Variants in NPAS3 observed in about 807,000 individuals in gnomAD.
The protein encoded by NPAS3 is neuronal PAS domain protein 3.
A neutral mutation model predicts 73.1 loss-of-function variants in NPAS3; 14 were observed. The ratio of observed to expected loss-of-function variants is 0.19; its 90% confidence interval spans 0.13 to 0.30. The LOEUF (loss-of-function observed/expected upper bound fraction) is 0.30. Ranked by LOEUF, NPAS3 falls within the 10% of genes least tolerant of loss-of-function variation. NPAS3 has a pLI of 1.00. For synonymous variants in NPAS3, 620 were observed against 541.5 expected, an observed-to-expected ratio of 1.14 and a Z score of -2.01; for missense variants, 1,096 against 1,250.0, an observed-to-expected ratio of 0.88 and a Z score of 1.86.
At chr14:33,231,873 G>C (rs1382617171) in intron 3 of NPAS3, among the ~76,000 whole-genome samples, 1 of 152,100 alleles carries the variant, frequency 6.6e-6, no homozygotes, top group African/African-American at 2.4e-5. Flanking sequence ...GGCCCTTGAC[G>C]TAGGCAAATG....
At chr14:32,974,776 A>G (rs2037584169) in intron 1 of NPAS3, among the ~76,000 whole-genome samples, 1 of 152,122 alleles carries the variant, frequency 6.6e-6, no homozygotes, top group African/African-American at 2.4e-5. Context: ...CAGAAGCCCC[A>G]AGCTGACTTC....
chr14:33,025,303 T>A (rs562975794), intron 1 of NPAS3, among the ~76,000 whole-genome samples: 1 of 152,346 alleles, frequency 6.6e-6, no homozygotes, highest in South Asian at 2.1e-4. Context: ...TGTGTCTTAA[T>A]CTTAAAAATG....
At chr14:33,718,716 C>T (rs367937143) in intron 6 of NPAS3, among the ~76,000 whole-genome samples, 2 of 152,272 alleles carry the variant, frequency 1.3e-5, no homozygotes, top group Admixed American at 1.3e-4. Context: ...CAAACTTTAC[C>T]TCCACGTGGA....
At position 33,754,871 on chromosome 14, in the gene NPAS3, C is replaced by T. The variant is rs1246866154; in HGVS notation, c.853-19466C>T. On this transcript the variant is annotated intron_variant, in intron 7 of 11. Coordinates refer to ENST00000356141, the Ensembl canonical transcript of NPAS3. ...CTTTCTGAAGCATCTACATTTCTCG[C>T]TGGACTGTCTGAAGTTATTTGGGGT... 2.0e-5 allele frequency among the ~76,000 whole-genome samples: 3 copies of T among 152,148 alleles called. No individual in the cohort carries two copies. The East Asian group carries it at 5.8e-4, about 29-fold the overall frequency.
rs544390202 is a variant in NPAS3, at chr14:33,297,579, G to A, written c.386-69607G>A. Among the ~76,000 whole-genome samples, 21 of 152,228 alleles carry A rather than the reference G, an allele frequency of 1.4e-4. No individual in the cohort carries two copies. In the South Asian group the frequency reaches 3.3e-3, roughly 24 times the overall value. On this transcript the variant is annotated intron_variant, in intron 3 of 11. Transcript: ENST00000356141. ...AGTAGCCATATTTGGTAAATTGATTGCTAGTATAGGCAAATATAAAATAAA... is the reference window on the plus strand; with the variant it reads ...AGTAGCCATATTTGGTAAATTGATTACTAGTATAGGCAAATATAAAATAAA...
At chr14:33,297,795 T>A (rs1250383149) in intron 3 of NPAS3, among the ~76,000 whole-genome samples, 1 of 152,172 alleles carries the variant, frequency 6.6e-6, no homozygotes, top group Non-Finnish European at 1.5e-5. Flanking sequence ...TTCACTGGTG[T>A]TGGAGCCTTG....
At chr14:33,542,416 C>T (rs890025397) in intron 4 of NPAS3, among the ~76,000 whole-genome samples, 1 of 152,202 alleles carries the variant, frequency 6.6e-6, no homozygotes, top group Non-Finnish European at 1.5e-5. Flanking sequence ...AGAGAGGTGG[C>T]TGCTGGCCTT....
intron 1 of NPAS3, among the ~76,000 whole-genome samples, chr14:33,024,826 A>G (rs551558395): frequency 2.0e-5 from 3 of 152,340 alleles, no homozygotes; most frequent in Admixed American, 2.0e-4. Context: ...CATAATGAAC[A>G]CGTATTACTT....
intron 2 of NPAS3, among the ~76,000 whole-genome samples, chr14:33,179,645 TCTGTTTACAACA>T (rs200205167): frequency 6.6e-6 from 1 of 152,180 alleles, no homozygotes; most frequent in East Asian, 1.9e-4. Context: ...GAATCATAAG[TCTGTTTACAACA>T]CTGCAAAGGA....
intron 4 of NPAS3, among the ~76,000 whole-genome samples, chr14:33,415,278 T>G (rs1318560075): frequency 6.6e-6 from 1 of 152,172 alleles, no homozygotes; most frequent in Non-Finnish European, 1.5e-5. Context: ...ATAACAAGAA[T>G]AAAAACTTTT....
At chr14:33,542,874 G>C (rs920268753) in intron 4 of NPAS3, among the ~76,000 whole-genome samples, 2 of 152,196 alleles carry the variant, frequency 1.3e-5, no homozygotes, top group African/African-American at 4.8e-5. Flanking sequence ...GCATGAGGCA[G>C]CCAGCAGCCT....
upstream of NPAS3, among the ~76,000 whole-genome samples, chr14:32,938,735 G>GGGGAC (rs1566779828): frequency 1.3e-4 from 20 of 150,484 alleles, no homozygotes; most frequent in Admixed American, 4.6e-4. Context: ...AAGGGGTGAC[G>GGGGAC]GGGGACGGGG....
At chr14:33,103,083 A>G (rs1018429482) in intron 2 of NPAS3, among the ~76,000 whole-genome samples, 1 of 152,206 alleles carries the variant, frequency 6.6e-6, no homozygotes, top group African/African-American at 2.4e-5. Flanking sequence ...AGAAAAGTAT[A>G]CATACCAATA....
At chr14:32,944,839 G>A (rs1456165448) in intron 1 of NPAS3, among the ~76,000 whole-genome samples, 1 of 152,186 alleles carries the variant, frequency 6.6e-6, no homozygotes, top group African/African-American at 2.4e-5. Context: ...TCACGTCTTG[G>A]TGAATTAATT....
chr14:33,300,639 C>A (rs749949969), intron 3 of NPAS3, among the ~76,000 whole-genome samples: 1 of 152,150 alleles, frequency 6.6e-6, no homozygotes, highest in Non-Finnish European at 1.5e-5. Context: ...CAGAACCTAG[C>A]TTTACCCTAC....
At chr14:33,632,467 T>G (rs149888896) in intron 5 of NPAS3, among the ~76,000 whole-genome samples, 119 of 152,318 alleles carry the variant, frequency 7.8e-4, no homozygotes, top group South Asian at 2.1e-3. Flanking sequence ...AAATGCGAAT[T>G]GCTAAAAAGT....
chr14:33,408,203 C>T (rs903813052), intron 4 of NPAS3, among the ~76,000 whole-genome samples: 1 of 152,104 alleles, frequency 6.6e-6, no homozygotes, highest in African/African-American at 2.4e-5. Context: ...ATTATTAAAA[C>T]TTGGCTGGTT....
chr14:32,973,831 C>T (rs1207399686), intron 1 of NPAS3, among the ~76,000 whole-genome samples: 1 of 152,138 alleles, frequency 6.6e-6, no homozygotes, highest in Non-Finnish European at 1.5e-5. Flanking sequence ...GCCACCATGC[C>T]TGGCCATATT....
rs568307626 is a variant in NPAS3, at chr14:33,328,109, G to T, written c.386-39077G>T. Among the ~76,000 whole-genome samples, 4 of 152,148 alleles carry T rather than the reference G, an allele frequency of 2.6e-5. No homozygotes were observed. The South Asian group carries it at 6.2e-4, about 24-fold the overall frequency. On this transcript the variant is annotated intron_variant, in intron 3 of 11. Coordinates refer to ENST00000356141, the Ensembl canonical transcript of NPAS3. Reference sequence around the variant, plus strand: ...TTGAAAAGTGTAATGGGCATAAAAAGCTCATTTTAAGAAGTTTAGTGGAAA... The same window carrying T: ...TTGAAAAGTGTAATGGGCATAAAAATCTCATTTTAAGAAGTTTAGTGGAAA...
Sources: allele counts gnomAD v4.1 joint callset (sites outside exome capture counted in the v4.1 genomes callset), GRCh38; gene constraint gnomAD v4.1.1; transcripts MANE v1.5; gene names NCBI Gene and HGNC (gene_info 2026-07-23, HGNC 2026-07-21).